The following SLC24A2 variants were observed in gnomAD, a reference collection of about 807,000 sequenced individuals.
SLC24A2 encodes solute carrier family 24 member 2.
In SLC24A2, 36 loss-of-function variants were observed where a neutral mutation model predicts 62.0. The ratio of observed to expected loss-of-function variants is 0.58; its 90% CI spans 0.44 to 0.77. SLC24A2 has a LOEUF of 0.77. Ranked by LOEUF, SLC24A2 falls within the 30% of genes least tolerant of loss-of-function variation. The pLI is 0.00. For synonymous variants in SLC24A2, 358 were observed against 294.0 expected (o/e 1.22, Z -2.23); for missense variants, 846 against 817.9 (o/e 1.03, Z -0.42).
At chr9:19,936,190 C>T in the SLC24A2 span, among the ~76,000 whole-genome samples, 193 of 152,192 alleles carry the variant, frequency 1.3e-3, no homozygotes, top group African/African-American at 4.5e-3. Flanking sequence ...TTTCGGGACT[C>T]CTTAACTATT....
Position 19,549,499 on chromosome 9 carries a change from G to A in SLC24A2, c.1479+638C>T, listed in dbSNP as rs141820012. On this transcript the variant is annotated intron_variant, in intron 8 of 10. Coordinates refer to ENST00000341998, the MANE Select transcript of SLC24A2 (RefSeq NM_020344.4). ...CATGCAGTTTCTGCCTTCTGTCACTGCAACATTCACTCTTGGAGTCCTGAC... is the reference window on the plus strand; with the variant it reads ...CATGCAGTTTCTGCCTTCTGTCACTACAACATTCACTCTTGGAGTCCTGAC... Among the ~76,000 whole-genome samples, 220 of 152,268 alleles carry A rather than the reference G, an allele frequency of 1.4e-3. 1 individual carries two copies. Among genetic ancestry groups the A allele is most frequent in the African/African-American group, 5.1e-3 (212 of 41,554 alleles).
At chr9:19,752,553 G>A (rs1284422152) in intron 2 of SLC24A2, among the ~76,000 whole-genome samples, 1 of 152,106 alleles carries the variant, frequency 6.6e-6, no homozygotes, top group African/African-American at 2.4e-5. Flanking sequence ...AGCCCCTTGG[G>A]AGCGCCATCA....
the SLC24A2 span, among the ~76,000 whole-genome samples, chr9:20,142,589 TA>T: frequency 1.3e-5 from 2 of 152,232 alleles, no homozygotes; most frequent in Middle Eastern, 3.4e-3. Context: ...TTTTAATTTT[TA>T]TTTTTATTTT....
At chr9:20,242,609 T>G in the SLC24A2 span, among the ~76,000 whole-genome samples, 1 of 152,070 alleles carries the variant, frequency 6.6e-6, no homozygotes, top group Non-Finnish European at 1.5e-5. Context: ...AATTCCAACT[T>G]AAGGTGGATG....
intron 5 of SLC24A2, among the ~76,000 whole-genome samples, chr9:19,596,083 T>C (rs1836696710): frequency 1.3e-5 from 2 of 152,140 alleles, no homozygotes; most frequent in Admixed American, 1.3e-4. Context: ...AGCACAGGGC[T>C]AGCAAAAGAG....
chr9:20,040,088 T>C, the SLC24A2 span, among the ~76,000 whole-genome samples: 1 of 152,224 alleles, frequency 6.6e-6, no homozygotes, highest in Non-Finnish European at 1.5e-5. Context: ...AACATGTACA[T>C]GGCACAGTTC....
chr9:20,221,832 T>A, the SLC24A2 span, among the ~76,000 whole-genome samples: 1 of 152,058 alleles, frequency 6.6e-6, no homozygotes, highest in Non-Finnish European at 1.5e-5. Context: ...GTCTTTCAAC[T>A]GTATTGACAA....
intron 5 of SLC24A2, among the ~76,000 whole-genome samples, chr9:19,590,234 A>G (rs901186543): frequency 6.6e-6 from 1 of 152,214 alleles, no homozygotes; most frequent in Non-Finnish European, 1.5e-5. Context: ...ACTTTAGCAG[A>G]GCTTCCACGT....
the SLC24A2 span, among the ~76,000 whole-genome samples, chr9:20,106,219 C>G: frequency 1.5e-4 from 23 of 152,072 alleles, no homozygotes; most frequent in Admixed American, 5.9e-4. Context: ...GCTTACCAAC[C>G]AAAAAGAGTC....
At chr9:20,297,706 C>T in the SLC24A2 span, among the ~76,000 whole-genome samples, 3 of 152,142 alleles carry the variant, frequency 2.0e-5, no homozygotes, top group South Asian at 2.1e-4. Context: ...GATCCGTGGG[C>T]GCTTCCTTGA....
chr9:19,883,344 C>G, the SLC24A2 span, among the ~76,000 whole-genome samples: 2 of 152,150 alleles, frequency 1.3e-5, no homozygotes, highest in African/African-American at 4.8e-5. Flanking sequence ...TAAATGCTTT[C>G]CTAAATTGTG....
intron 2 of SLC24A2, among the ~76,000 whole-genome samples, chr9:19,712,891 C>G (rs945764274): frequency 1.3e-5 from 2 of 152,126 alleles, no homozygotes; most frequent in Non-Finnish European, 2.9e-5. Context: ...ATACTTACCC[C>G]AGTTGTGACA....
rs192079869 is a variant in SLC24A2 at position 19,542,933 on chromosome 9, G to C, written c.1479+7204C>G. Among the ~76,000 whole-genome samples the C allele has an allele frequency of 8.4e-3, 1,286 of 152,228 alleles. 17 individuals are homozygous for C. Among genetic ancestry groups the C allele is most frequent in the African/African-American group, 0.03 (1,228 of 41,504 alleles). On this transcript the variant is annotated intron_variant, in intron 8 of 10. Coordinates refer to ENST00000341998, the MANE Select transcript of SLC24A2 (RefSeq NM_020344.4). Reference sequence around the variant, plus strand: ...GTGTCTCTGGCAGGTTTTGGTATCAGGATGATGCTGGCCTTGTAAAATGAG... The same window carrying C: ...GTGTCTCTGGCAGGTTTTGGTATCACGATGATGCTGGCCTTGTAAAATGAG...
chr9:20,279,929 C>G, the SLC24A2 span, among the ~76,000 whole-genome samples: 2 of 152,186 alleles, frequency 1.3e-5, no homozygotes, highest in Non-Finnish European at 2.9e-5. Flanking sequence ...GTCAGTAAAA[C>G]CACTGAGGAT....
intron 2 of SLC24A2, among the ~76,000 whole-genome samples, chr9:19,650,132 G>C (rs955939839): frequency 2.0e-5 from 3 of 152,202 alleles, no homozygotes; most frequent in Non-Finnish European, 4.4e-5. Flanking sequence ...CATTCATATA[G>C]AGGGTCTTGG....
chr9:19,760,386 A>C (rs1018598205), intron 2 of SLC24A2, among the ~76,000 whole-genome samples: 1 of 152,052 alleles, frequency 6.6e-6, no homozygotes, highest in Admixed American at 6.6e-5. Context: ...TTTTTATTAT[A>C]CTTTAAATTC....
chr9:19,955,930 T>C, the SLC24A2 span, among the ~76,000 whole-genome samples: 2 of 152,212 alleles, frequency 1.3e-5, no homozygotes, highest in African/African-American at 4.8e-5. Context: ...AAGTTGGAAT[T>C]AAATTAATCT....
At chr9:19,852,239 T>C in the SLC24A2 span, among the ~76,000 whole-genome samples, 1 of 152,236 alleles carries the variant, frequency 6.6e-6, no homozygotes, top group Non-Finnish European at 1.5e-5. Context: ...CTCTGTCAGA[T>C]GAATAGATTA....
chr9:20,027,568 A>G, the SLC24A2 span, among the ~76,000 whole-genome samples: 1 of 152,194 alleles, frequency 6.6e-6, no homozygotes, highest in Non-Finnish European at 1.5e-5. Context: ...TAAATACTGC[A>G]TGATCTTCCT....
Sources: gnomAD v4.1 joint callset for allele counts (sites outside exome capture counted in the v4.1 genomes callset) on GRCh38, gnomAD v4.1.1 for gene constraint, MANE v1.5 for transcripts, NCBI Gene and HGNC (gene_info 2026-07-23, HGNC 2026-07-21) for gene names.